PLPPR1: variants seen among roughly 807,000 people sequenced by gnomAD.
The protein encoded by PLPPR1 is phospholipid phosphatase related 1.
A neutral mutation model predicts 33.1 loss-of-function variants in PLPPR1; 10 were observed. The observed-to-expected ratio is 0.30, with a 90% CI of 0.19 to 0.51. PLPPR1 has a LOEUF of 0.51. Among genes scored for constraint, PLPPR1 ranks in the 20% least tolerant of loss-of-function variants. The probability of loss-of-function intolerance (pLI) is 0.97; values close to 1 mark genes in which losing one functional copy is unlikely to be tolerated. For missense variants in PLPPR1, 304 were observed against 408.1 expected (o/e 0.74, Z 2.20); for synonymous variants, 151 against 151.0 (o/e 1.00, Z 0.00).
intron 6 of PLPPR1, among the ~76,000 whole-genome samples, chr9:101,315,242 C>T (rs1296993016): frequency 6.6e-6 from 1 of 152,174 alleles, no homozygotes; most frequent in Non-Finnish European, 1.5e-5. Flanking sequence ...TCCTCTTCCC[C>T]CTATCGCCTA....
intron 4 of PLPPR1, among the ~76,000 whole-genome samples, chr9:101,307,510 C>T (rs1227558408): frequency 2.0e-5 from 3 of 152,214 alleles, no homozygotes; most frequent in African/African-American, 4.8e-5. Flanking sequence ...AAAACTGCCT[C>T]GGATGATCAA....
At chr9:101,160,135 A>G (rs1831753872) in intron 1 of PLPPR1, among the ~76,000 whole-genome samples, 1 of 152,160 alleles carries the variant, frequency 6.6e-6, no homozygotes, top group Admixed American at 6.6e-5. Flanking sequence ...TAGAAATGAG[A>G]AGAACAATGG....
intron 4 of PLPPR1, among the ~76,000 whole-genome samples, chr9:101,296,781 C>G (rs1450367987): frequency 1.3e-5 from 2 of 151,294 alleles, no homozygotes; most frequent in Admixed American, 1.3e-4. Flanking sequence ...GAACATCACA[C>G]TCTGGGGACT....
intron 1 of PLPPR1, among the ~76,000 whole-genome samples, chr9:101,096,876 G>A (rs1830826319): frequency 6.6e-6 from 1 of 151,796 alleles, no homozygotes; most frequent in South Asian, 2.1e-4. Context: ...AGCACTCTGG[G>A]TAACATAGTG....
chr9:101,207,337 T>C (rs889919322), intron 2 of PLPPR1, among the ~76,000 whole-genome samples: 34 of 152,200 alleles, frequency 2.2e-4, no homozygotes, highest in African/African-American at 7.5e-4. Context: ...AGTATTATTA[T>C]TGCCCTCTAC....
intron 1 of PLPPR1, among the ~76,000 whole-genome samples, chr9:101,084,966 G>A (rs10989388): frequency 0.053 from 8,091 of 152,214 alleles, 379 homozygotes; most frequent in African/African-American, 0.12. Flanking sequence ...TCTGGGATGG[G>A]TTAGGCCTGG....
Position 101,317,377 on chromosome 9 carries a change from G to T in PLPPR1, c.826G>T (p.Val276Phe). The T allele has an allele frequency of 3.7e-6, 6 of 1,613,912 alleles. No homozygotes were observed. The highest frequency in any genetic ancestry group is 5.1e-6 in the Non-Finnish European group (6 of 1,179,920). Residue 276 changes from valine (V) to phenylalanine (F), a missense_variant, in exon 7 of 8, where the codon GTT becomes TTT. By Grantham distance (50) the Val-to-Phe change is conservative (BLOSUM62 -1). Transcript: ENST00000374874. ...AVALFLGMCV[V>F]HNFKGTQGSP... ...CCTCATCCTGCAGGGAATGTGTGTG[G>T]TTCATAACTTTAAAGGAACGCAAGG...
chr9:101,162,394 A>G (rs1825776830), intron 1 of PLPPR1, among the ~76,000 whole-genome samples: 1 of 152,208 alleles, frequency 6.6e-6, no homozygotes, highest in Non-Finnish European at 1.5e-5. Flanking sequence ...AAGGCCCTAA[A>G]TAAATGCTTT....
Position 101,286,143 on chromosome 9 carries a change from A to G in PLPPR1, c.292A>G (p.Thr98Ala), listed in dbSNP as rs754925689. 14 of 1,612,944 alleles carry G rather than the reference A, an allele frequency of 8.7e-6. No individual in the cohort carries two copies. The African/African-American group carries it at 1.9e-4, about 22-fold the overall frequency. Residue 98 changes from threonine (T) to alanine (A), a missense_variant, in exon 4 of 8, where the codon ACA (threonine) becomes GCA (alanine). By Grantham distance (58) the Thr-to-Ala change is moderately conservative. Transcript: ENST00000374874. ...GATATCCATGTATTTCATAAAATCA[A>G]CAAGAGAATCCCTGATTGCTCAGGA... ...GEISMYFIKS[T>A]RESLIAQEKT...
chr9:101,116,385 G>A (rs1831118488), intron 1 of PLPPR1, among the ~76,000 whole-genome samples: 1 of 152,184 alleles, frequency 6.6e-6, no homozygotes, highest in East Asian at 1.9e-4. Context: ...TCCACATATT[G>A]GAATCAGGTA....
intron 1 of PLPPR1, among the ~76,000 whole-genome samples, chr9:101,065,046 ACAAT>A (rs1309194243): frequency 6.6e-6 from 1 of 152,118 alleles, no homozygotes; most frequent in Non-Finnish European, 1.5e-5. Flanking sequence ...TTTAGGGGAC[ACAAT>A]CAAACCATAT....
At chr9:101,161,070 C>G (rs1831766681) in intron 1 of PLPPR1, among the ~76,000 whole-genome samples, 1 of 152,058 alleles carries the variant, frequency 6.6e-6, no homozygotes, top group Non-Finnish European at 1.5e-5. Context: ...GTTTTTTGCC[C>G]TTGACCTATA....
intron 1 of PLPPR1, among the ~76,000 whole-genome samples, chr9:101,034,096 A>G (rs1829981531): frequency 6.6e-6 from 1 of 152,088 alleles, no homozygotes; most frequent in Non-Finnish European, 1.5e-5. Flanking sequence ...TATGAAGTCT[A>G]GCAGGGGAAA....
chr9:101,097,593 G>A (rs992046893), intron 1 of PLPPR1, among the ~76,000 whole-genome samples: 1 of 152,138 alleles, frequency 6.6e-6, no homozygotes, highest in African/African-American at 2.4e-5. Flanking sequence ...GTATGTATGT[G>A]TTTTACACCT....
chr9:101,320,241 C>T (rs1588125715), intron 7 of PLPPR1, among the ~76,000 whole-genome samples: 2 of 152,282 alleles, frequency 1.3e-5, no homozygotes, highest in African/African-American at 2.4e-5. Flanking sequence ...AGGCCTTGCC[C>T]GAATACCAGG....
intron 1 of PLPPR1, among the ~76,000 whole-genome samples, chr9:101,081,451 C>T (rs1007377912): frequency 1.3e-5 from 2 of 152,150 alleles, no homozygotes; most frequent in Non-Finnish European, 2.9e-5. Flanking sequence ...CCTCAGCCTC[C>T]CAAAGTGCTG....
intron 2 of PLPPR1, among the ~76,000 whole-genome samples, chr9:101,209,013 A>G (rs963033325): frequency 1.3e-5 from 2 of 152,210 alleles, no homozygotes; most frequent in Non-Finnish European, 2.9e-5. Context: ...TAATAAACTG[A>G]AAGAATTCAT....
At chr9:101,300,410 AT>A (rs1464006779) in intron 4 of PLPPR1, among the ~76,000 whole-genome samples, 1 of 152,092 alleles carries the variant, frequency 6.6e-6, no homozygotes, top group Non-Finnish European at 1.5e-5. Flanking sequence ...AACTTAAGGG[AT>A]CCTCCAGCCT....
At chr9:101,315,133 A>G (rs1439653092) in intron 6 of PLPPR1, among the ~76,000 whole-genome samples, 2 of 152,214 alleles carry the variant, frequency 1.3e-5, no homozygotes, top group African/African-American at 4.8e-5. Flanking sequence ...TTTATTTTGA[A>G]ATATACAGTA....
Sources: gnomAD v4.1 joint callset for allele counts (sites outside exome capture counted in the v4.1 genomes callset) on GRCh38, gnomAD v4.1.1 for gene constraint, MANE v1.5 for transcripts, NCBI Gene and HGNC (gene_info 2026-07-23, HGNC 2026-07-21) for gene names.